Variants in LRRC4C observed in about 807,000 individuals in gnomAD.
The protein encoded by LRRC4C is leucine-rich repeat-containing protein 4C.
LRRC4C carries 5 observed loss-of-function variants against 33.6 expected under a neutral mutation model. The ratio of observed to expected loss-of-function variants is 0.15; its 90% CI spans 0.08 to 0.31. The LOEUF is 0.31. Among genes scored for constraint, LRRC4C ranks in the 10% least tolerant of loss-of-function variants. The probability of loss-of-function intolerance (pLI) is 1.00; values close to 1 mark genes in which losing one functional copy is unlikely to be tolerated. For missense variants in LRRC4C, 560 were observed against 796.7 expected, an observed-to-expected ratio of 0.70 and a Z score of 3.58; for synonymous variants, 329 against 302.0, an observed-to-expected ratio of 1.09 and a Z score of -0.93.
chr11:40,679,934 C>A (rs1944593988), intron 2 of LRRC4C, among the ~76,000 whole-genome samples: 1 of 152,166 alleles, frequency 6.6e-6, no homozygotes, highest in Non-Finnish European at 1.5e-5. Flanking sequence ...TGATAGCTTG[C>A]ACCACACACC....
intron 1 of LRRC4C, among the ~76,000 whole-genome samples, chr11:41,123,254 ATGTTTTGTTTTTTTTTT>A (rs1203251093): frequency 1.2e-5 from 1 of 84,978 alleles, no homozygotes; most frequent in South Asian, 4.1e-4. Flanking sequence ...ATCCTGAGCT[ATGTTTTGTTTTTTTTTT>A]TTTTTTTTTT....
chr11:40,892,446 T>G (rs569462003), intron 2 of LRRC4C, among the ~76,000 whole-genome samples: 111 of 152,292 alleles, frequency 7.3e-4, no homozygotes, highest in Middle Eastern at 3.4e-3. Context: ...AAAGTGGGAC[T>G]TCAACAGATG....
rs138683765 is a variant in LRRC4C, at chr11:40,338,545, C to T, written c.-269-18824G>A. 2.0e-5 allele frequency among the ~76,000 whole-genome samples: 3 copies of T among 152,262 alleles called. No homozygotes were observed. In the East Asian group the frequency reaches 5.8e-4, roughly 29 times the overall value. ...GTTTTAATCTGATATGATCTAAAAG[C>T]AGCAATCTATATCACCAAAATGGTA... On this transcript the variant is annotated intron_variant, in intron 3 of 6. Coordinates refer to ENST00000528697, the MANE Select transcript of LRRC4C (RefSeq NM_001258419.2).
At chr11:40,256,970 C>A (rs569260687) in intron 4 of LRRC4C, among the ~76,000 whole-genome samples, 1 of 152,306 alleles carries the variant, frequency 6.6e-6, no homozygotes, top group African/African-American at 2.4e-5. Context: ...TCAACTCCTG[C>A]CAAAGCTCTG....
intron 1 of LRRC4C, among the ~76,000 whole-genome samples, chr11:41,141,820 A>G (rs1943519985): frequency 6.6e-6 from 1 of 152,172 alleles, no homozygotes; most frequent in African/African-American, 2.4e-5. Flanking sequence ...TTATGTCTTC[A>G]TAGCAGCCTG....
At chr11:40,688,995 A>G (rs1591470228) in intron 2 of LRRC4C, among the ~76,000 whole-genome samples, 1 of 152,058 alleles carries the variant, frequency 6.6e-6, no homozygotes, top group East Asian at 1.9e-4. Context: ...AGGCTATTCC[A>G]GTTGGAAAAC....
chr11:40,460,434 A>G (rs1323100653), intron 3 of LRRC4C, among the ~76,000 whole-genome samples: 3 of 152,160 alleles, frequency 2.0e-5, no homozygotes. Context: ...AGAAAAGAAG[A>G]GGACTTTGGT....
intron 2 of LRRC4C, among the ~76,000 whole-genome samples, chr11:40,814,489 C>CT (rs1297688557): frequency 2.0e-5 from 3 of 152,084 alleles, no homozygotes; most frequent in African/African-American, 7.2e-5. Context: ...GGAGGGGCTG[C>CT]TGCAAAGGTC....
chr11:40,721,058 T>C (rs1193907921), intron 2 of LRRC4C, among the ~76,000 whole-genome samples: 1 of 152,214 alleles, frequency 6.6e-6, no homozygotes, highest in African/African-American at 2.4e-5. Flanking sequence ...CACAGAATGC[T>C]GTCTTCCATA....
intron 2 of LRRC4C, among the ~76,000 whole-genome samples, chr11:40,675,786 C>T (rs1274272659): frequency 6.6e-6 from 1 of 152,106 alleles, no homozygotes; most frequent in South Asian, 2.1e-4. Flanking sequence ...AGGTATCTTT[C>T]TGAAAAATCA....
At chr11:40,871,476 G>A (rs1954642725) in intron 2 of LRRC4C, among the ~76,000 whole-genome samples, 1 of 152,066 alleles carries the variant, frequency 6.6e-6, no homozygotes, top group Admixed American at 6.6e-5. Flanking sequence ...GACACTTAGG[G>A]AAAATAGAAA....
intron 3 of LRRC4C, among the ~76,000 whole-genome samples, chr11:40,591,408 C>G (rs1054184126): frequency 2.0e-5 from 3 of 152,140 alleles, no homozygotes; most frequent in Non-Finnish European, 4.4e-5. Flanking sequence ...AACCCGGTAC[C>G]TCAGATGGAA....
At chr11:40,304,093 A>G (rs573064398) in intron 4 of LRRC4C, among the ~76,000 whole-genome samples, 3 of 152,310 alleles carry the variant, frequency 2.0e-5, no homozygotes, top group South Asian at 4.1e-4. Flanking sequence ...AATTGCCAAC[A>G]TCATTCACCA....
chr11:41,284,429 G>C (rs1381252280), intron 1 of LRRC4C, among the ~76,000 whole-genome samples: 2 of 152,088 alleles, frequency 1.3e-5, no homozygotes, highest in Admixed American at 6.6e-5. Flanking sequence ...CAAAGGGTGA[G>C]AGTGACACTT....
At chr11:40,547,000 G>C (rs942493679) in intron 3 of LRRC4C, among the ~76,000 whole-genome samples, 1 of 152,146 alleles carries the variant, frequency 6.6e-6, no homozygotes, top group Non-Finnish European at 1.5e-5. Context: ...CAGATAGATA[G>C]TATTGAAATA....
intron 1 of LRRC4C, among the ~76,000 whole-genome samples, chr11:41,423,432 G>A (rs1954938046): frequency 6.6e-6 from 1 of 152,006 alleles, no homozygotes; most frequent in African/African-American, 2.4e-5. Flanking sequence ...TAAAAGTATT[G>A]AAGCAGATAA....
intron 1 of LRRC4C, among the ~76,000 whole-genome samples, chr11:41,346,736 G>C (rs1951816188): frequency 2.6e-5 from 4 of 152,174 alleles, no homozygotes; most frequent in Admixed American, 2.6e-4. Flanking sequence ...ATTATTGAGT[G>C]CTACTCAATT....
chr11:41,450,625 T>A (rs58430545), intron 1 of LRRC4C, among the ~76,000 whole-genome samples: 341 of 152,234 alleles, frequency 2.2e-3, no homozygotes, highest in African/African-American at 7.6e-3. Context: ...AGAATAATGA[T>A]GCCCCCTGTA....
intron 3 of LRRC4C, among the ~76,000 whole-genome samples, chr11:40,507,540 A>T (rs1313596359): frequency 1.3e-5 from 2 of 152,162 alleles, no homozygotes; most frequent in African/African-American, 4.8e-5. Context: ...TTAGAAATTT[A>T]TTTTTGAAAA....
Sources: allele counts gnomAD v4.1 joint callset (sites outside exome capture counted in the v4.1 genomes callset), GRCh38; gene constraint gnomAD v4.1.1; transcripts MANE v1.5; gene names NCBI Gene and HGNC (gene_info 2026-07-23, HGNC 2026-07-21).